Variants in NECTIN4 observed in about 807,000 individuals in gnomAD.
NECTIN4 encodes nectin cell adhesion molecule 4.
In NECTIN4, 19 loss-of-function variants were observed where a neutral mutation model predicts 51.7. The observed-to-expected ratio is 0.37, with a 90% CI of 0.26 to 0.54. NECTIN4 has a LOEUF of 0.54. Ranked by LOEUF, NECTIN4 falls within the 20% of genes least tolerant of loss-of-function variation. The pLI is 0.86. For missense variants in NECTIN4, 619 were observed against 662.4 expected, an observed-to-expected ratio of 0.93 and a Z score of 0.72; for synonymous variants, 283 against 286.9, an observed-to-expected ratio of 0.99 and a Z score of 0.14.
intron 5 of NECTIN4, 78 bp downstream of exon 5, chr1:161,074,533 G>A: frequency 2.5e-6 from 4 of 1,589,218 alleles, no homozygotes; most frequent in Non-Finnish European, 3.5e-6. Context: ...CCAATTCACT[G>A]TCTCTGTCTT....
intron 1 of NECTIN4, chr1:161,087,638 G>A (rs72480265): frequency 0.072 from 10,887 of 151,658 alleles, 547 homozygotes; most frequent in East Asian, 0.22. Context: ...CATAGTGACC[G>A]GGCCTGGGGG....
At chr1:161,081,412 G>A (rs756742400) in intron 1 of NECTIN4, among the ~76,000 whole-genome samples, 3 of 152,138 alleles carry the variant, frequency 2.0e-5, no homozygotes, top group Non-Finnish European at 2.9e-5. Flanking sequence ...TGACCAGAAA[G>A]AGAGATGAAG....
Position 161,083,010 on chromosome 1 carries a change from A to G in NECTIN4, c.80-3061T>C, listed in dbSNP as rs550874782. On this transcript the variant is annotated intron_variant, in intron 1 of 8. Coordinates refer to ENST00000368012, the MANE Select transcript of NECTIN4 (RefSeq NM_030916.3). ...TGCCTCCCCACCACTAATCACCTATATTTCCCTTGGAAAATACCTTCTTAG... is the reference window on the plus strand; with the variant it reads ...TGCCTCCCCACCACTAATCACCTATGTTTCCCTTGGAAAATACCTTCTTAG... 2.0e-5 allele frequency among the ~76,000 whole-genome samples: 3 copies of G among 152,150 alleles called. No homozygotes were observed. In the East Asian group the frequency reaches 5.8e-4, roughly 29 times the overall value.
intron 7 of NECTIN4, 76 bp downstream of exon 7, chr1:161,073,644 T>C (rs1653284084): frequency 1.6e-6 from 2 of 1,264,120 alleles, no homozygotes; most frequent in Admixed American, 3.4e-5. Flanking sequence ...GCTCCTGGTC[T>C]GCAGAGGGGC....
chr1:161,080,970 C>T (rs1284648717), intron 1 of NECTIN4, among the ~76,000 whole-genome samples: 1 of 152,148 alleles, frequency 6.6e-6, no homozygotes, highest in Non-Finnish European at 1.5e-5. Flanking sequence ...ATGGGGCAAT[C>T]ACTATGGGAC....
intron 4 of NECTIN4, among the ~76,000 whole-genome samples, chr1:161,075,461 TA>T (rs1386521906): frequency 2.0e-5 from 3 of 152,226 alleles, no homozygotes; most frequent in African/African-American, 4.8e-5. Context: ...AATATTGTGT[TA>T]TATTTCACAA....
chr1:161,077,130 G>A (rs956527874), intron 3 of NECTIN4, among the ~76,000 whole-genome samples: 3 of 152,182 alleles, frequency 2.0e-5, no homozygotes, highest in Non-Finnish European at 2.9e-5. Flanking sequence ...TAGAACTAGG[G>A]CTTGTCTAAG....
chr1:161,074,986 C>T (rs1433456328), intron 4 of NECTIN4, among the ~76,000 whole-genome samples: 2 of 152,250 alleles, frequency 1.3e-5, no homozygotes, highest in Admixed American at 1.3e-4. Context: ...AAGATCCACA[C>T]GTGTGCCATC....
rs1379413316 is a variant in NECTIN4 at position 161,077,661 on chromosome 1, C to G, written c.522G>C (p.Glu174Asp). The stretch of plus-strand genomic sequence containing the variant: ...AGGTCACGCTGGGGGCTGGGCTGCC[C>G]TCAGCTGTGCAGGAGGCTGCCAGGG... ...GLTLAASCTA[E>D]GSPAPSVTWD... is the part of the protein sequence containing the mutation. Residue 174 changes from glutamate to aspartate, a missense_variant, in exon 3 of 9, where the codon GAG (glutamate) becomes GAC (aspartate). Physicochemically the swap from Glu to Asp is conservative, Grantham distance 45. This residue lies in a region of NECTIN4 where 37 missense variants were observed against 60.3 expected (regional missense o/e 0.61). Coordinates refer to ENST00000368012, the MANE Select transcript of NECTIN4 (RefSeq NM_030916.3). The G allele has an allele frequency of 6.2e-7, 1 of 1,613,472 alleles. No individual in the cohort carries two copies. The highest frequency in any genetic ancestry group is 8.5e-7 in the Non-Finnish European group (1 of 1,180,022).
chr1:161,077,109 C>T (rs554642750), intron 3 of NECTIN4, among the ~76,000 whole-genome samples: 2 of 152,338 alleles, frequency 1.3e-5, no homozygotes, highest in East Asian at 3.9e-4. Context: ...GAATGAATAA[C>T]AGCTGGTAAG....
chr1:161,071,806 G>GGCCA lies in NECTIN4; in HGVS notation c.*851_*854dup. 1 of 150,358 alleles carries GGCCA rather than the reference G, an allele frequency of 6.7e-6. No homozygotes were observed. The highest frequency in any genetic ancestry group is 1.9e-4 in the East Asian group (1 of 5,140). 9.3% of individuals were successfully genotyped at this position (150,358 alleles called of 1,614,324 possible). On this transcript the variant is annotated 3_prime_UTR_variant, in exon 9 of 9. Transcript: ENST00000368012. ...GGATTGCTTGAGCCCAGGAGTTCAA[G>GGCCA]GCCAGCCTGAGCAACATAGTGAGAC...
At position 161,089,071 on chromosome 1, in the gene NECTIN4, G is replaced by A; in HGVS notation, c.79+147C>T. ...TTTTCTGGGGGCACTGCTGGAAGCT[G>A]GGGGCAGGAGAGACTGGATCCTCAG... On this transcript the variant is annotated intron_variant, in intron 1 of 8. Coordinates refer to ENST00000368012, the MANE Select transcript of NECTIN4 (RefSeq NM_030916.3). This position sits in a 1 kb window ranked among gnomAD's most constrained non-coding sequence, Gnocchi z 4.1. 1 of 806,194 alleles carries A rather than the reference G, an allele frequency of 1.2e-6. No individual in the cohort carries two copies. Among genetic ancestry groups the A allele is most frequent in the Non-Finnish European group, 2.1e-6 (1 of 465,506 alleles). The allele number at this position is 806,194 out of a possible 1,614,324, so 49.9% of individuals were successfully genotyped here.
chr1:161,071,155 C>T lies in NECTIN4; in HGVS notation c.*1506G>A, dbSNP rs912574086. On this transcript the variant is annotated 3_prime_UTR_variant, in exon 9 of 9. Coordinates refer to ENST00000368012, the MANE Select transcript of NECTIN4 (RefSeq NM_030916.3). Reference sequence around the variant, plus strand: ...GAAGGATGGGAGCCTCTCCCTTAGGCCAGAAATCCAGCAGATTTCAGACTA... The same window carrying T: ...GAAGGATGGGAGCCTCTCCCTTAGGTCAGAAATCCAGCAGATTTCAGACTA... The T allele has an allele frequency of 4.6e-5, 7 of 152,256 alleles. No individual in the cohort carries two copies. Among genetic ancestry groups the T allele is most frequent in the African/African-American group, 1.4e-4 (6 of 41,538 alleles). 9.4% of individuals were successfully genotyped at this position (152,256 alleles called of 1,614,324 possible). A position where few individuals can be genotyped will look rare whatever the true frequency, so the allele number is the denominator to read the frequency against.
chr1:161,084,797 C>G (rs1653853680), intron 1 of NECTIN4: 1 of 152,158 alleles, frequency 6.6e-6, no homozygotes, highest in South Asian at 2.1e-4. Context: ...AAAACCAGCT[C>G]TGGCTCCAGG....
At chr1:161,085,251 A>C (rs958375359) in intron 1 of NECTIN4, among the ~76,000 whole-genome samples, 3 of 151,868 alleles carry the variant, frequency 2.0e-5, no homozygotes, top group African/African-American at 7.3e-5. Context: ...GGGCCACACA[A>C]TCACAAAGGG....
chr1:161,076,211 A>G (rs1482744064), intron 4 of NECTIN4, 144 bp downstream of exon 4: 3 of 866,324 alleles, frequency 3.5e-6, no homozygotes, highest in Non-Finnish European at 5.3e-6. Flanking sequence ...TATGATGAGT[A>G]TAATAATACA....
intron 8 of NECTIN4, 142 bp from the exon 9 acceptor site, chr1:161,073,027 C>T (rs565226748): frequency 4.1e-5 from 39 of 950,190 alleles, no homozygotes; most frequent in Middle Eastern, 3.1e-4. Context: ...GCCCAGAGAT[C>T]GGGGACCAGG....
chr1:161,083,878 T>C (rs1052225606), intron 1 of NECTIN4, among the ~76,000 whole-genome samples: 4 of 152,212 alleles, frequency 2.6e-5, no homozygotes, highest in Non-Finnish European at 4.4e-5. Context: ...GGGTCTCAAC[T>C]TTCCTTCCTA....
chr1:161,078,499 G>A (rs1014641472), intron 2 of NECTIN4, among the ~76,000 whole-genome samples: 2 of 151,646 alleles, frequency 1.3e-5, no homozygotes, highest in African/African-American at 2.4e-5. Flanking sequence ...GTAGAGATGG[G>A]GTTTCACCAT....
Sources: allele counts gnomAD v4.1 joint callset (sites outside exome capture counted in the v4.1 genomes callset), GRCh38; gene constraint gnomAD v4.1.1; regional missense constraint gnomAD v4.1.1; non-coding constraint Gnocchi (gnomAD v3.1); transcripts MANE v1.5; gene names NCBI Gene and HGNC (gene_info 2026-07-23, HGNC 2026-07-21).